ZDHHC7: variants seen among roughly 807,000 people sequenced by gnomAD.
ZDHHC7 encodes zDHHC palmitoyltransferase 7.
Under a neutral mutation model 34.1 loss-of-function variants are expected in ZDHHC7, and 12 were observed. The observed-to-expected ratio is 0.35, with a 90% confidence interval of 0.23 to 0.57. The LOEUF (loss-of-function observed/expected upper bound fraction) is 0.57, where lower values mean the gene tolerates loss of function less well. Among genes scored for constraint, ZDHHC7 ranks in the 20% least tolerant of loss-of-function variants. ZDHHC7 has a pLI of 0.84. For synonymous variants in ZDHHC7, 185 were observed against 155.4 expected, an observed-to-expected ratio of 1.19 and a Z score of -1.42; for missense variants, 388 against 402.7, an observed-to-expected ratio of 0.96 and a Z score of 0.31.
chr16:84,983,578 G>A (rs967229373), intron 3 of ZDHHC7, among the ~76,000 whole-genome samples: 1 of 152,196 alleles, frequency 6.6e-6, no homozygotes, highest in Non-Finnish European at 1.5e-5. Flanking sequence ...ACAAGGCCCC[G>A]TCAGTCCCAT....
At chr16:85,008,967 C>T (rs1294339802) in intron 1 of ZDHHC7, among the ~76,000 whole-genome samples, 1 of 151,514 alleles carries the variant, frequency 6.6e-6, no homozygotes, top group Non-Finnish European at 1.5e-5. Context: ...ATCGCTTTAA[C>T]CCAGGAGGTA....
the ZDHHC7 span, among the ~76,000 whole-genome samples, chr16:85,020,002 G>A: frequency 6.6e-6 from 1 of 152,190 alleles, no homozygotes; most frequent in African/African-American, 2.4e-5. Flanking sequence ...TCAGATGTAA[G>A]CCATTGACCA....
chr16:85,014,170 A>G (rs1437944246), upstream of ZDHHC7, among the ~76,000 whole-genome samples: 1 of 152,226 alleles, frequency 6.6e-6, no homozygotes, highest in Non-Finnish European at 1.5e-5. Context: ...TTGTCAACCC[A>G]AAATAATCAA....
At chr16:84,998,878 C>T (rs1435385179) in intron 1 of ZDHHC7, among the ~76,000 whole-genome samples, 1 of 151,814 alleles carries the variant, frequency 6.6e-6, no homozygotes, top group Non-Finnish European at 1.5e-5. Context: ...CTCAGCCTCC[C>T]GAGTAGCTGG....
At chr16:84,983,511 C>G (rs2072397445) in intron 3 of ZDHHC7, among the ~76,000 whole-genome samples, 1 of 152,126 alleles carries the variant, frequency 6.6e-6, no homozygotes, top group South Asian at 2.1e-4. Flanking sequence ...CAGGGGGGCC[C>G]CAGGGCAAAT....
intron 1 of ZDHHC7, among the ~76,000 whole-genome samples, chr16:85,005,445 C>T (rs151090583): frequency 6.6e-6 from 1 of 152,184 alleles, no homozygotes; most frequent in Non-Finnish European, 1.5e-5. Context: ...CACGTGACCA[C>T]CACCCTAAAA....
chr16:84,989,598 G>C (rs1029047841), intron 3 of ZDHHC7, among the ~76,000 whole-genome samples: 4 of 149,598 alleles, frequency 2.7e-5, no homozygotes, highest in African/African-American at 7.5e-5. Context: ...AGAGGGCTAA[G>C]GCAGGAGAAT....
chr16:85,002,419 G>T (rs948181804), intron 1 of ZDHHC7, among the ~76,000 whole-genome samples: 1 of 152,194 alleles, frequency 6.6e-6, no homozygotes, highest in Non-Finnish European at 1.5e-5. Context: ...AGCCTTGACA[G>T]GCTGTGGCGA....
At chr16:85,014,151 C>G (rs1378813789), upstream of ZDHHC7, among the ~76,000 whole-genome samples, 2 of 152,038 alleles carry the variant, frequency 1.3e-5, no homozygotes, top group African/African-American at 4.8e-5. Flanking sequence ...ATTCTTAGTC[C>G]CCACACTTTT....
Position 84,983,535 on chromosome 16 carries a change from G to A in ZDHHC7, c.316-1541C>T, listed in dbSNP as rs61012791. ...CCCAGGGCAAATGTGAGTGTTGACT[G>A]CCCAAACCTCCCCTGAGGTTTACTT... On this transcript the variant is annotated intron_variant, in intron 3 of 7. Coordinates refer to ENST00000313732, the MANE Select transcript of ZDHHC7 (RefSeq NM_017740.3). 9.5e-4 allele frequency among the ~76,000 whole-genome samples: 145 copies of A among 152,254 alleles called. 1 individual carries two copies. In the East Asian group the frequency reaches 0.023, roughly 24 times the overall value.
chr16:85,001,470 C>A (rs369748557), intron 1 of ZDHHC7, among the ~76,000 whole-genome samples: 43 of 95,334 alleles, frequency 4.5e-4, no homozygotes, highest in Admixed American at 1.2e-3. Context: ...GACCCTGTCT[C>A]AAAAAAAAAA....
At chr16:85,002,245 G>A (rs1031178803) in intron 1 of ZDHHC7, among the ~76,000 whole-genome samples, 9 of 152,134 alleles carry the variant, frequency 5.9e-5, no homozygotes, top group Admixed American at 2.6e-4. Context: ...GGAGGACGCT[G>A]CTCCCCACCC....
At chr16:85,027,323 A>G in the ZDHHC7 span, among the ~76,000 whole-genome samples, 1 of 152,102 alleles carries the variant, frequency 6.6e-6, no homozygotes, top group African/African-American at 2.4e-5. Flanking sequence ...TTTTAATGGT[A>G]TGTTGGTTAA....
chr16:84,997,017 C>T (rs2072587881), intron 1 of ZDHHC7, among the ~76,000 whole-genome samples: 2 of 139,692 alleles, frequency 1.4e-5, no homozygotes, highest in African/African-American at 3.0e-5. Context: ...CAGAGCAAGA[C>T]TCTGTCTCAA....
At chr16:85,025,033 T>C in the ZDHHC7 span, among the ~76,000 whole-genome samples, 39 of 152,106 alleles carry the variant, frequency 2.6e-4, no homozygotes, top group Admixed American at 1.3e-3. Context: ...TCCCAGCACT[T>C]TGGGAGGCCG....
At position 84,975,861 on chromosome 16, in the gene ZDHHC7, A is replaced by C; in HGVS notation, c.*482T>G. 1 of 168,336 alleles carries C rather than the reference A, an allele frequency of 5.9e-6. No homozygotes were observed. The highest frequency in any genetic ancestry group is 1.3e-5 in the Non-Finnish European group (1 of 78,894). 10.4% of individuals were successfully genotyped at this position (168,336 alleles called of 1,614,324 possible). A position where few individuals can be genotyped will look rare whatever the true frequency, so the allele number is the denominator to read the frequency against. On this transcript the variant is annotated 3_prime_UTR_variant, in exon 8 of 8. Coordinates refer to ENST00000313732, the MANE Select transcript of ZDHHC7 (RefSeq NM_017740.3). ...ACAGATCTTTTGCAACTTCAGTGCAAAGCATCGGAGCTAATCGAGACCAAA... is the reference window on the plus strand; with the variant it reads ...ACAGATCTTTTGCAACTTCAGTGCACAGCATCGGAGCTAATCGAGACCAAA...
the ZDHHC7 span, among the ~76,000 whole-genome samples, chr16:85,018,722 T>C: frequency 6.6e-6 from 1 of 152,198 alleles, no homozygotes; most frequent in African/African-American, 2.4e-5. Flanking sequence ...AGTGCTGAGA[T>C]TACAGGCATG....
the ZDHHC7 span, among the ~76,000 whole-genome samples, chr16:85,025,921 G>A: frequency 6.6e-6 from 1 of 152,050 alleles, no homozygotes; most frequent in African/African-American, 2.4e-5. Context: ...ATATTTTTTT[G>A]TTAAGTCATC....
Position 85,011,444 on chromosome 16 carries a change from C to T in ZDHHC7, c.-262G>A, listed in dbSNP as rs889840509. 1 of 152,020 alleles carries T rather than the reference C, an allele frequency of 6.6e-6. No individual in the cohort carries two copies. The highest frequency in any genetic ancestry group is 2.0e-4 in the South Asian group (1 of 5,098). 9.4% of individuals were successfully genotyped at this position (152,020 alleles called of 1,614,324 possible). A position where few individuals can be genotyped will look rare whatever the true frequency, so the allele number is the denominator to read the frequency against. On this transcript the variant is annotated 5_prime_UTR_variant, in exon 1 of 8. Transcript: ENST00000313732. The stretch of plus-strand genomic sequence containing the variant: ...CTCGGCTCGGCTTGGTCCCCTGGGT[C>T]CCGCCGGGCAGGTCGGAAGGAGGCT...
Sources: allele counts gnomAD v4.1 joint callset (sites outside exome capture counted in the v4.1 genomes callset), GRCh38; gene constraint gnomAD v4.1.1; transcripts MANE v1.5; gene names NCBI Gene and HGNC (gene_info 2026-07-23, HGNC 2026-07-21).